The following TRPC4 variants were observed in gnomAD, a reference collection of about 807,000 sequenced individuals.
TRPC4 encodes transient receptor potential cation channel subfamily C member 4.
A neutral mutation model predicts 99.4 loss-of-function variants in TRPC4; 49 were observed. The ratio of observed to expected loss-of-function variants is 0.49; its 90% CI spans 0.39 to 0.63. The LOEUF (loss-of-function observed/expected upper bound fraction) is 0.63. Among genes scored for constraint, TRPC4 ranks in the 20% least tolerant of loss-of-function variants. TRPC4 has a pLI of 0.00. For missense variants in TRPC4, 898 were observed against 1,152.9 expected (o/e 0.78, Z 3.20); for synonymous variants, 454 against 425.9 (o/e 1.07, Z -0.81).
chr13:37,808,308 T>A (rs1957584384), intron 1 of TRPC4, among the ~76,000 whole-genome samples: 1 of 152,074 alleles, frequency 6.6e-6, no homozygotes, highest in African/African-American at 2.4e-5. Context: ...TACATTAGTA[T>A]ATGTTTATTT....
chr13:37,686,123 T>C (rs2138842974), intron 4 of TRPC4, among the ~76,000 whole-genome samples: 1 of 152,218 alleles, frequency 6.6e-6, no homozygotes, highest in Non-Finnish European at 1.5e-5. Context: ...AATACGAATA[T>C]TTCTTATAAT....
At chr13:37,813,781 T>C (rs370404189) in intron 1 of TRPC4, among the ~76,000 whole-genome samples, 6 of 151,838 alleles carry the variant, frequency 4.0e-5, no homozygotes, top group African/African-American at 1.4e-4. Flanking sequence ...TTCTACCAAA[T>C]GTTTCAATCA....
At chr13:37,828,103 G>A (rs1303516871) in intron 1 of TRPC4, among the ~76,000 whole-genome samples, 3 of 152,238 alleles carry the variant, frequency 2.0e-5, no homozygotes, top group Non-Finnish European at 4.4e-5. Context: ...AGCTTCCCGA[G>A]TGAGGCAATG....
chr13:37,713,523 A>G (rs963031105), intron 3 of TRPC4, among the ~76,000 whole-genome samples: 2 of 152,168 alleles, frequency 1.3e-5, no homozygotes, highest in Non-Finnish European at 2.9e-5. Context: ...AATAACCAAC[A>G]TAGTCCCTTC....
chr13:37,855,184 T>C (rs945328493), intron 1 of TRPC4, among the ~76,000 whole-genome samples: 2 of 150,056 alleles, frequency 1.3e-5, no homozygotes, highest in Non-Finnish European at 3.0e-5. Flanking sequence ...CAAGCAGGAG[T>C]AGCTACACAT....
At chr13:37,720,809 T>G (rs1954844425) in intron 3 of TRPC4, among the ~76,000 whole-genome samples, 1 of 152,202 alleles carries the variant, frequency 6.6e-6, no homozygotes, top group South Asian at 2.1e-4. Flanking sequence ...TTCAATTCTT[T>G]AGGGATACAC....
At chr13:37,798,160 G>A (rs1957305579) in intron 1 of TRPC4, among the ~76,000 whole-genome samples, 1 of 152,108 alleles carries the variant, frequency 6.6e-6, no homozygotes, top group Admixed American at 6.6e-5. Context: ...CTAAATGAAA[G>A]TATGTTCTTT....
chr13:37,726,595 A>G (rs1272276549), intron 3 of TRPC4, among the ~76,000 whole-genome samples: 1 of 152,164 alleles, frequency 6.6e-6, no homozygotes, highest in African/African-American at 2.4e-5. Context: ...TGACAGAAGT[A>G]AGTATCCTTT....
rs146779797 is a variant in TRPC4 at position 37,782,986 on chromosome 13, C to T, written c.348G>A (p.Leu116=). ...KEVVGAVELL[L]NHKKPSGEKQ... The stretch of plus-strand genomic sequence containing the variant: ...TTTCTCCACTAGGTTTTTTGTGGTT[C>T]AATAACAGCTCAACAGCTCCGACGA... Residue 116 remains leucine, a synonymous_variant, in exon 2 of 11, where the codon TTG becomes TTA. Coordinates refer to ENST00000379705, the MANE Select transcript of TRPC4 (RefSeq NM_016179.4). 62 of 1,557,052 alleles carry T rather than the reference C, an allele frequency of 4.0e-5. No homozygotes were observed. In the African/African-American group the frequency reaches 7.7e-4, roughly 19 times the overall value.
At chr13:37,792,548 TAAG>T in intron 1 of TRPC4, among the ~76,000 whole-genome samples, 1 of 152,114 alleles carries the variant, frequency 6.6e-6, no homozygotes, top group Admixed American at 6.6e-5. Context: ...AAAACAATAT[TAAG>T]AAGAAATGTG....
intron 3 of TRPC4, among the ~76,000 whole-genome samples, chr13:37,725,728 G>T (rs1385624816): frequency 2.0e-5 from 3 of 152,156 alleles, no homozygotes; most frequent in African/African-American, 4.8e-5. Flanking sequence ...AAGCAGTTTG[G>T]ATAAAAAAGA....
Position 37,738,346 on chromosome 13 carries a change from A to G in TRPC4, c.897+7591T>C, listed in dbSNP as rs184798723. 1.4e-3 allele frequency among the ~76,000 whole-genome samples: 219 copies of G among 152,276 alleles called. 1 individual carries two copies. The Middle Eastern group carries it at 0.034, about 24-fold the overall frequency. ...GCCAAATTTCTTCATGCAAAGTGCT[A>G]TGTTTAAAAGCTGTCCAGGCGAGTT... On this transcript the variant is annotated intron_variant, in intron 3 of 10. Transcript: ENST00000379705.
At chr13:37,678,618 C>T (rs1173407995) in intron 4 of TRPC4, among the ~76,000 whole-genome samples, 3 of 152,014 alleles carry the variant, frequency 2.0e-5, no homozygotes, top group Admixed American at 6.6e-5. Context: ...AGTTAATATC[C>T]TTCCAACAAC....
intron 2 of TRPC4, among the ~76,000 whole-genome samples, chr13:37,754,366 C>T (rs541493302): frequency 7.9e-5 from 12 of 152,182 alleles, no homozygotes; most frequent in Non-Finnish European, 1.5e-4. Flanking sequence ...ATTAACTTTT[C>T]TTCTCAAATT....
intron 4 of TRPC4, 138 bp downstream of exon 4, chr13:37,691,861 G>A: frequency 2.5e-6 from 2 of 802,776 alleles, no homozygotes; most frequent in Non-Finnish European, 3.8e-6. Context: ...GGCTTTGGGG[G>A]TGAGGTTCTT....
intron 2 of TRPC4, among the ~76,000 whole-genome samples, chr13:37,756,593 C>T (rs557068117): frequency 6.7e-6 from 1 of 148,394 alleles, no homozygotes; most frequent in South Asian, 2.1e-4. Context: ...AGTGTAATGG[C>T]ATGATCTTGG....
At chr13:37,725,864 C>A (rs1955036772) in intron 3 of TRPC4, among the ~76,000 whole-genome samples, 1 of 152,006 alleles carries the variant, frequency 6.6e-6, no homozygotes, top group African/African-American at 2.4e-5. Context: ...TAGCACAAAG[C>A]TGTATGAGAA....
intron 1 of TRPC4, among the ~76,000 whole-genome samples, chr13:37,783,873 T>C (rs1050890325): frequency 1.3e-5 from 2 of 151,990 alleles, no homozygotes; most frequent in African/African-American, 4.8e-5. Context: ...TGTTTTGTTT[T>C]GTTTTGTTTT....
intron 3 of TRPC4, among the ~76,000 whole-genome samples, chr13:37,739,518 T>C (rs1168172067): frequency 6.6e-6 from 1 of 151,488 alleles, no homozygotes; most frequent in Admixed American, 6.6e-5. Context: ...TTTTTTTTTT[T>C]TTTTTGAGAT....
Sources: gnomAD v4.1 joint callset for allele counts (sites outside exome capture counted in the v4.1 genomes callset) on GRCh38, gnomAD v4.1.1 for gene constraint, MANE v1.5 for transcripts, NCBI Gene and HGNC (gene_info 2026-07-23, HGNC 2026-07-21) for gene names.